The following WIPI1 variants were observed in gnomAD, a reference collection of about 807,000 sequenced individuals.
The protein encoded by WIPI1 is WD repeat domain phosphoinositide-interacting protein 1.
WIPI1 carries 45 observed loss-of-function variants against 55.3 expected under a neutral mutation model. The ratio of observed to expected loss-of-function variants is 0.81; its 90% confidence interval spans 0.64 to 1.04. WIPI1 has a LOEUF of 1.04. WIPI1 is among the 50% of genes least tolerant of loss of function. The pLI, the probability that WIPI1 is intolerant of heterozygous loss-of-function variation, is 0.00. For missense variants in WIPI1, 445 were observed against 559.0 expected, an observed-to-expected ratio of 0.80 and a Z score of 2.06; for synonymous variants, 195 against 217.6, an observed-to-expected ratio of 0.90 and a Z score of 0.92.
chr17:68,436,537 T>G, intron 4 of WIPI1, 58 bp from the exon 5 acceptor site: 16 of 1,526,966 alleles, frequency 1.0e-5, no homozygotes, highest in Non-Finnish European at 1.4e-5. Context: ...ATTGCACGGC[T>G]GGAGAGGGCA....
chr17:68,437,948 TAAAAAAAAAAAA>T (rs199649033), intron 4 of WIPI1, among the ~76,000 whole-genome samples: 3 of 78,802 alleles, frequency 3.8e-5, no homozygotes, highest in African/African-American at 9.5e-5. Context: ...ACATCTCTCT[TAAAAAAAAAAAA>T]AAAAAAAAAA....
chr17:68,437,010 A>ATGTGTGTG (rs758693659), intron 4 of WIPI1, among the ~76,000 whole-genome samples: 6,389 of 77,754 alleles, frequency 0.082, 218 homozygotes, highest in South Asian at 0.24. Context: ...AAAAAAATAT[A>ATGTGTGTG]TATATATGTG....
At chr17:68,427,892 T>C (rs71387396) in intron 10 of WIPI1, among the ~76,000 whole-genome samples, 1 of 152,032 alleles carries the variant, frequency 6.6e-6, no homozygotes, top group East Asian at 1.9e-4. Context: ...TTTTCTTTTG[T>C]TTTCTTTTCT....
chr17:68,452,873 C>T, intron 2 of WIPI1, 37 bp downstream of exon 2: 1 of 1,590,338 alleles, frequency 6.3e-7, no homozygotes, highest in Non-Finnish European at 8.6e-7. Flanking sequence ...CTCTGGTTCT[C>T]CTGCAGATCC....
chr17:68,425,889 A>G (rs1739652405), intron 12 of WIPI1, 186 bp downstream of exon 12: 1 of 579,434 alleles, frequency 1.7e-6, no homozygotes, highest in African/African-American at 1.9e-5. Flanking sequence ...CGACACCTAA[A>G]GCCTACTCTG....
intron 1 of WIPI1, among the ~76,000 whole-genome samples, chr17:68,454,353 G>A (rs533451247): frequency 6.6e-6 from 1 of 152,314 alleles, no homozygotes; most frequent in African/African-American, 2.4e-5. Context: ...TTACAAGCCT[G>A]GATGGCCAAG....
chr17:68,434,277 T>G (rs2083675089), intron 7 of WIPI1, among the ~76,000 whole-genome samples: 1 of 152,172 alleles, frequency 6.6e-6, no homozygotes, highest in Admixed American at 6.5e-5. Flanking sequence ...ATTTTTGGAT[T>G]GTGACTCCCT....
chr17:68,421,621 G>T lies in WIPI1; in HGVS notation c.*152C>A. 1 of 1,070,722 alleles carries T rather than the reference G, an allele frequency of 9.3e-7. No homozygotes were observed. Among genetic ancestry groups the T allele is most frequent in the Non-Finnish European group, 1.4e-6 (1 of 713,906 alleles). The allele number at this position is 1,070,722 out of a possible 1,614,324, so 66.3% of individuals were successfully genotyped here. A position where few individuals can be genotyped will look rare whatever the true frequency, so the allele number is the denominator to read the frequency against. On this transcript the variant is annotated 3_prime_UTR_variant, in exon 13 of 13. Transcript: ENST00000262139. ...AGGGTCGTGGGAAGCTTGGTGAGGA[G>T]TTAACCAGGTCCTGTGGTTTAAGCA... is the stretch of plus-strand genomic sequence containing the variant.
At position 68,421,602 on chromosome 17, in the gene WIPI1, G is replaced by C. The variant is rs1035969011; in HGVS notation, c.*171C>G. On this transcript the variant is annotated 3_prime_UTR_variant, in exon 13 of 13. Transcript: ENST00000262139. ...CCCGCGCCCATTGGCAACCAGGGTC[G>C]TGGGAAGCTTGGTGAGGAGTTAACC... The C allele has an allele frequency of 7.2e-6, 6 of 832,564 alleles. No homozygotes were observed. The South Asian group carries it at 7.6e-5, about 11-fold the overall frequency. The allele number at this position is 832,564 out of a possible 1,614,324, so 51.6% of individuals were successfully genotyped here. A position where few individuals can be genotyped will look rare whatever the true frequency, so the allele number is the denominator to read the frequency against.
At chr17:68,425,794 G>A in intron 12 of WIPI1, 1 of 356,354 alleles carries the variant, frequency 2.8e-6, no homozygotes, top group South Asian at 5.0e-5. Flanking sequence ...AGCAAAGTAA[G>A]GGATCGCAGG....
chr17:68,427,439 C>T (rs2083271667), intron 10 of WIPI1, 186 bp from the exon 11 acceptor site: 2 of 425,714 alleles, frequency 4.7e-6, no homozygotes, highest in Non-Finnish European at 8.5e-6. Flanking sequence ...TCACTGCAAC[C>T]TCCGCCTCCT....
At chr17:68,426,234 CTGGCGGGTGGGGAGCGGGGG>C in intron 11 of WIPI1, 59 bp from the exon 12 acceptor site, 1 of 705,818 alleles carries the variant, frequency 1.4e-6, no homozygotes. Context: ...ATGCCATGAC[CTGGCGGGTGGGGAGCGGGGG>C]CTCAAATAAA....
intron 1 of WIPI1, 35 bp downstream of exon 1, chr17:68,457,307 C>T (rs2148008634): frequency 1.3e-6 from 2 of 1,538,712 alleles, no homozygotes; most frequent in East Asian, 5.2e-5. Context: ...CACTCTGTCC[C>T]CCACCTCCCT....
chr17:68,427,258 T>C lies in WIPI1; in HGVS notation c.1074-5A>G. ...GTTGTTCCTGAGCCAAGCAAGCTAC[T>C]TGTGACAATCAAGAGGAGGTGAAAG... On this transcript the variant is annotated splice_polypyrimidine_tract_variant and splice_region_variant and intron_variant, in intron 10 of 12. Transcript: ENST00000262139. 1 of 1,608,818 alleles carries C rather than the reference T, an allele frequency of 6.2e-7. No homozygotes were observed. The highest frequency in any genetic ancestry group is 8.5e-7 in the Non-Finnish European group (1 of 1,175,222).
intron 3 of WIPI1, among the ~76,000 whole-genome samples, chr17:68,449,506 C>T (rs62085931): frequency 0.079 from 12,030 of 152,288 alleles, 600 homozygotes; most frequent in East Asian, 0.14. Flanking sequence ...GAATTGTAAT[C>T]TTCAGTGTTG....
intron 11 of WIPI1, 77 bp from the exon 12 acceptor site, chr17:68,426,252 G>GGT (rs1294668249): frequency 1.2e-6 from 1 of 828,178 alleles, no homozygotes; most frequent in Non-Finnish European, 1.9e-6. Flanking sequence ...TGGGGAGCGG[G>GGT]GGCTCAAATA....
Position 68,433,565 on chromosome 17 carries a change from T to C in WIPI1, c.703A>G (p.Ile235Val), listed in dbSNP as rs572699667. 9 of 1,613,752 alleles carry C rather than the reference T, an allele frequency of 5.6e-6. No individual in the cohort carries two copies. Among genetic ancestry groups the C allele is most frequent in the Non-Finnish European group, 5.9e-6 (7 of 1,179,922 alleles). ...TCCATACTGAACACTAGAGAGCTGATTGTCACATACCTACAAGCACAGCAA... is the reference window on the plus strand; with the variant it reads ...TCCATACTGAACACTAGAGAGCTGACTGTCACATACCTACAAGCACAGCAA... ...FRRGMKRYVT[I>V]SSLVFSMDSQ... is the part of the protein sequence containing the mutation. Residue 235 changes from isoleucine (I) to valine (V), a missense_variant, in exon 8 of 13, where the codon ATC (isoleucine) becomes GTC (valine). Transcript: ENST00000262139.
At chr17:68,445,794 C>T (rs973119591) in intron 3 of WIPI1, among the ~76,000 whole-genome samples, 9 of 152,216 alleles carry the variant, frequency 5.9e-5, no homozygotes, top group South Asian at 2.1e-4. Flanking sequence ...GGCAGCTCCT[C>T]GCACATCTGA....
rs573263480 is a variant in WIPI1 at position 68,426,959 on chromosome 17, G to A, written c.1192+176C>T. Among the ~76,000 whole-genome samples, 320 of 152,138 alleles carry A rather than the reference G, an allele frequency of 2.1e-3. 1 individual carries two copies. Among genetic ancestry groups the A allele is most frequent in the Admixed American group, 7.6e-3 (117 of 15,296 alleles). ...GCTATTACCATGGCCTCACCTGTGA[G>A]AAAATAAAAAATTCAAGGAGAGCAC... On this transcript the variant is annotated intron_variant, in intron 11 of 12. Coordinates refer to ENST00000262139, the MANE Select transcript of WIPI1 (RefSeq NM_017983.7).
Sources: gnomAD v4.1 joint callset for allele counts (sites outside exome capture counted in the v4.1 genomes callset) on GRCh38, gnomAD v4.1.1 for gene constraint, MANE v1.5 for transcripts, NCBI Gene and HGNC (gene_info 2026-07-23, HGNC 2026-07-21) for gene names.